Variants in SCAANT1 observed in about 807,000 individuals in gnomAD.
SCAANT1 encodes the protein ATXN7 antisense RNA 1 (non-protein coding).
exon 1 of SCAANT1, chr3:63,911,761 C>T (rs552590179): frequency 6.6e-5 from 10 of 152,368 alleles, no homozygotes; most frequent in Admixed American, 3.3e-4. Flanking sequence ...GCACACGGTA[C>T]TTCGTCCTGA....
exon 1 of SCAANT1, chr3:63,911,592 T>C (rs1704014378): frequency 6.6e-6 from 1 of 152,188 alleles, no homozygotes; most frequent in African/African-American, 2.4e-5. Context: ...CTCTAAAATA[T>C]GTACACGGGT....
chr3:63,911,893 G>A (rs1575881068), upstream of SCAANT1: 2 of 152,336 alleles, frequency 1.3e-5, no homozygotes, highest in Non-Finnish European at 2.9e-5. Context: ...CCCGCAAGCC[G>A]AGGGCAAAGT....
exon 1 of SCAANT1, chr3:63,911,734 TGTGGGCGGCGTGGCGTGCAC>T (rs1401474446): frequency 6.6e-6 from 1 of 152,266 alleles, no homozygotes. Context: ...GGGGCACACA[TGTGGGCGGCGTGGCGTGCAC>T]ACGGTACTTC....
upstream of SCAANT1, chr3:63,912,006 T>A (rs985882482): frequency 1.3e-5 from 2 of 152,250 alleles, no homozygotes; most frequent in South Asian, 4.1e-4. Flanking sequence ...TCCGGGGGCT[T>A]GACGTGCAAA....
chr3:63,912,110 T>TCGGACGGACGCG (rs1486944224), upstream of SCAANT1: 3 of 152,080 alleles, frequency 2.0e-5, no homozygotes, highest in Admixed American at 6.5e-5. Flanking sequence ...GTGCCGCCGC[T>TCGGACGGACGCG]CGGACGGACG....
chr3:63,912,357 C>A (rs1704058155), upstream of SCAANT1, among the ~76,000 whole-genome samples: 2 of 151,630 alleles, frequency 1.3e-5, no homozygotes, highest in Admixed American at 1.3e-4. Context: ...CCGTCCCCTC[C>A]CTCGGGCGGC....
upstream of SCAANT1, chr3:63,912,120 G>C (rs1404360922): frequency 2.6e-5 from 4 of 152,226 alleles, no homozygotes; most frequent in Non-Finnish European, 5.9e-5. Context: ...TCGGACGGAC[G>C]CGCGGACGGA....
chr3:63,911,876 G>A (rs918016654), upstream of SCAANT1: 7 of 152,358 alleles, frequency 4.6e-5, no homozygotes, highest in African/African-American at 1.7e-4. Context: ...TGACAACTCT[G>A]CGGCCGCCCG....
chr3:63,911,942 G>C (rs1335632431), upstream of SCAANT1: 2 of 152,446 alleles, frequency 1.3e-5, no homozygotes, highest in African/African-American at 4.8e-5. Flanking sequence ...CCCTGGGGCC[G>C]GCCGGCCGGC....
chr3:63,912,100 G>C (rs1704042001), upstream of SCAANT1: 1 of 152,304 alleles, frequency 6.6e-6, no homozygotes, highest in African/African-American at 2.4e-5. Flanking sequence ...AGCCGGCCGG[G>C]TGCCGCCGCT....
upstream of SCAANT1, chr3:63,912,259 G>C (rs962297836): frequency 6.6e-6 from 1 of 152,052 alleles, no homozygotes; most frequent in Non-Finnish European, 1.5e-5. Flanking sequence ...GGTTGGAGCC[G>C]GGCCGCTCCG....
At chr3:63,911,679 A>G (rs1183303994) in exon 1 of SCAANT1, 2 of 152,242 alleles carry the variant, frequency 1.3e-5, no homozygotes, top group African/African-American at 4.8e-5. Flanking sequence ...TGCTGGACGA[A>G]TTCAAGTTCC....
chr3:63,912,010 G>C (rs1223176084), upstream of SCAANT1: 5 of 152,306 alleles, frequency 3.3e-5, no homozygotes, highest in African/African-American at 1.2e-4. Flanking sequence ...GGGGCTTGAC[G>C]TGCAAACTTC....
exon 1 of SCAANT1, chr3:63,911,664 C>G (rs1160527411): frequency 2.6e-5 from 4 of 152,246 alleles, no homozygotes; most frequent in African/African-American, 9.7e-5. Flanking sequence ...CTCATGTTCT[C>G]TCTTTGCTGG....
At chr3:63,912,348 C>G (rs1359278431), upstream of SCAANT1, among the ~76,000 whole-genome samples, 4 of 151,522 alleles carry the variant, frequency 2.6e-5, no homozygotes, top group Non-Finnish European at 5.9e-5. Context: ...GCCTGCTGCC[C>G]GTCCCCTCCC....
exon 1 of SCAANT1, chr3:63,911,531 G>T (rs1381138883): frequency 1.3e-5 from 2 of 152,162 alleles, no homozygotes; most frequent in Non-Finnish European, 2.9e-5. Flanking sequence ...AAATGAATCA[G>T]ATTTTTACTT....
rs924951155 is a variant in SCAANT1 at position 63,911,713 on chromosome 3, A to G, written n.60T>C. On this transcript the variant is annotated non_coding_transcript_exon_variant, in exon 1 of 1. Transcript: ENST00000626439. ...CCCCAGGCGCACAGTGTGACTTCCAATTGCGGGTCGGGGGCACACATGTGG... is the reference window on the plus strand; with the variant it reads ...CCCCAGGCGCACAGTGTGACTTCCAGTTGCGGGTCGGGGGCACACATGTGG... 6.6e-5 allele frequency: 10 copies of G among 152,166 alleles called. No individual in the cohort carries two copies. The South Asian group carries it at 8.3e-4, about 13-fold the overall frequency. The allele number at this position is 152,166 out of a possible 1,614,324, so 9.4% of individuals were successfully genotyped here. A position where few individuals can be genotyped will look rare whatever the true frequency, so the allele number is the denominator to read the frequency against.
At chr3:63,912,316 C>A (rs1424110543), upstream of SCAANT1, 1 of 152,452 alleles carries the variant, frequency 6.6e-6, no homozygotes, top group East Asian at 1.9e-4. Flanking sequence ...AGGCAGGGGA[C>A]CCAGCGCCGC....
At chr3:63,912,361 G>C (rs1209226086), upstream of SCAANT1, among the ~76,000 whole-genome samples, 1 of 151,474 alleles carries the variant, frequency 6.6e-6, no homozygotes, top group Non-Finnish European at 1.5e-5. Flanking sequence ...CCCCTCCCTC[G>C]GGCGGCCGCG....
Sources: gnomAD v4.1 joint callset for allele counts (sites outside exome capture counted in the v4.1 genomes callset) on GRCh38, gnomAD v4.1.1 for gene constraint, MANE v1.5 for transcripts, NCBI Gene and HGNC (gene_info 2026-07-23, HGNC 2026-07-21) for gene names.